The following H2AZ2 variants were observed in gnomAD, a reference collection of about 807,000 sequenced individuals.
H2AZ2 encodes H2A.Z variant histone 2.
A neutral mutation model predicts 15.5 loss-of-function variants in H2AZ2; 5 were observed. The observed-to-expected ratio is 0.32, with a 90% CI of 0.17 to 0.68. H2AZ2 has a LOEUF of 0.68. Among genes scored for constraint, H2AZ2 ranks in the 30% least tolerant of loss-of-function variants. H2AZ2 has a pLI of 0.72. For synonymous variants in H2AZ2, 44 were observed against 57.4 expected (o/e 0.77, Z 1.05); for missense variants, 42 against 162.5 (o/e 0.26, Z 4.03).
rs1033285460 is a variant in H2AZ2 at position 44,833,006 on chromosome 7, T to G, written c.*1495A>C. Among the ~76,000 whole-genome samples the G allele has an allele frequency of 6.6e-6, 1 of 152,022 alleles. No individual in the cohort carries two copies. ...TAAATAAATATAATTTTTAAAAGAT[T>G]GTACAAATTACTGTTATTGCATGAC... On this transcript the variant is annotated 3_prime_UTR_variant, in exon 5 of 5. Transcript: ENST00000308153.
downstream of H2AZ2, chr7:44,829,966 G>A: frequency 3.6e-6 from 2 of 551,048 alleles, no homozygotes; most frequent in Non-Finnish European, 6.5e-6. Context: ...AATCAAAGCT[G>A]CTCTGAAGCA....
chr7:44,834,039 G>A lies in H2AZ2; in HGVS notation c.*462C>T, dbSNP rs1793057544. The A allele has an allele frequency of 8.1e-6, 4 of 495,402 alleles. No individual in the cohort carries two copies. The highest frequency in any genetic ancestry group is 1.0e-5 in the Non-Finnish European group (4 of 382,940). The allele number at this position is 495,402 out of a possible 1,614,324, so 30.7% of individuals were successfully genotyped here. ...TAATTGGCAGGTTTTTTCCTTAGTCGTTTGTAAAAAATGGTGCTACAGATC... is the reference window on the plus strand; with the variant it reads ...TAATTGGCAGGTTTTTTCCTTAGTCATTTGTAAAAAATGGTGCTACAGATC... On this transcript the variant is annotated 3_prime_UTR_variant, in exon 5 of 5. Coordinates refer to ENST00000308153, the MANE Select transcript of H2AZ2 (RefSeq NM_012412.5).
At position 44,833,535 on chromosome 7, in the gene H2AZ2, G is replaced by T; in HGVS notation, c.*966C>A. On this transcript the variant is annotated 3_prime_UTR_variant, in exon 5 of 5. Coordinates refer to ENST00000308153, the MANE Select transcript of H2AZ2 (RefSeq NM_012412.5). ...CAGGCGTGAGCCACCGCGCCTGGCC[G>T]AGACGGCGTTTTACCATGTTGGCCA... is the stretch of plus-strand genomic sequence containing the variant. 8.0e-6 allele frequency: 2 copies of T among 251,324 alleles called. No homozygotes were observed. Among genetic ancestry groups the T allele is most frequent in the African/African-American group, 2.3e-5 (1 of 43,274 alleles). 15.6% of individuals were successfully genotyped at this position (251,324 alleles called of 1,614,324 possible).
At chr7:44,830,048 A>T, downstream of H2AZ2, 1 of 1,150,772 alleles carries the variant, frequency 8.7e-7, no homozygotes, top group South Asian at 1.3e-5. Context: ...ACATTCGGGC[A>T]GTTCCTTGGT....
At chr7:44,830,549 T>A (rs1233837555), downstream of H2AZ2, among the ~76,000 whole-genome samples, 1 of 152,220 alleles carries the variant, frequency 6.6e-6, no homozygotes, top group Non-Finnish European at 1.5e-5. Flanking sequence ...CAGTTCAGGT[T>A]CTAACACCTT....
At chr7:44,836,988 T>G (rs1793139763) in intron 3 of H2AZ2, among the ~76,000 whole-genome samples, 1 of 150,558 alleles carries the variant, frequency 6.6e-6, no homozygotes, top group African/African-American at 2.4e-5. Context: ...AGAGCGAGAC[T>G]CTGTCTCGAA....
chr7:44,831,335 G>A (rs917588476), downstream of H2AZ2, among the ~76,000 whole-genome samples: 2 of 152,108 alleles, frequency 1.3e-5, no homozygotes, highest in Non-Finnish European at 2.9e-5. Flanking sequence ...CAGAGTACAT[G>A]ACCTAGTTGT....
chr7:44,830,050 T>A (rs2117017625), downstream of H2AZ2: 1 of 1,215,262 alleles, frequency 8.2e-7, no homozygotes, highest in South Asian at 1.3e-5. Context: ...ATTCGGGCAG[T>A]TCCTTGGTTC....
chr7:44,831,305 A>AT (rs1347493630), downstream of H2AZ2, among the ~76,000 whole-genome samples: 1 of 152,250 alleles, frequency 6.6e-6, no homozygotes, highest in Non-Finnish European at 1.5e-5. Context: ...GAGACTGATC[A>AT]TAACTGTGAG....
chr7:44,844,431 G>A (rs184893603), intron 1 of H2AZ2, among the ~76,000 whole-genome samples: 1 of 152,168 alleles, frequency 6.6e-6, no homozygotes, highest in Non-Finnish European at 1.5e-5. Context: ...GTGGTTGCCA[G>A]GGGTAGCTGC....
At position 44,846,062 on chromosome 7, in the gene H2AZ2, C is replaced by CAGAG. The variant is rs1554336348; in HGVS notation, c.3+1903_3+1906dup. 9.3e-5 allele frequency among the ~76,000 whole-genome samples: 7 copies of CAGAG among 75,058 alleles called. 1 individual carries two copies. Among genetic ancestry groups the CAGAG allele is most frequent in the African/African-American group, 2.1e-4 (5 of 24,190 alleles). The allele number at this position is 75,058 out of a possible 152,430, so 49.2% of individuals were successfully genotyped here. A position where few individuals can be genotyped will look rare whatever the true frequency, so the allele number is the denominator to read the frequency against. On this transcript the variant is annotated intron_variant, in intron 1 of 4. Transcript: ENST00000308153. ...ACACACACACACACACACACACACA[C>CAGAG]AGAGAGAGACAGAGAGAGAGAGAGA...
chr7:44,836,664 C>T (rs980343302), intron 3 of H2AZ2, among the ~76,000 whole-genome samples: 1 of 151,926 alleles, frequency 6.6e-6, no homozygotes, highest in East Asian at 1.9e-4. Context: ...ACTACAGGCG[C>T]CTGCCACCAT....
rs760844599 is a variant in H2AZ2, at chr7:44,847,975, C to A, written c.-4G>T. On this transcript the variant is annotated 5_prime_UTR_variant, in exon 1 of 5. Coordinates refer to ENST00000308153, the MANE Select transcript of H2AZ2 (RefSeq NM_012412.5). Reference sequence around the variant, plus strand: ...CCCACCCGGCCGCCCTTACCATGTTCTCGGCGCCGACTCCGCCTCCGCTCG... The same window carrying A: ...CCCACCCGGCCGCCCTTACCATGTTATCGGCGCCGACTCCGCCTCCGCTCG... 1 of 1,458,464 alleles carries A rather than the reference C, an allele frequency of 6.9e-7. No individual in the cohort carries two copies. Among genetic ancestry groups the A allele is most frequent in the South Asian group, 1.4e-5 (1 of 73,222 alleles). 90.3% of individuals were successfully genotyped at this position (1,458,464 alleles called of 1,614,324 possible).
chr7:44,833,833 A>T lies in H2AZ2; in HGVS notation c.*668T>A. ...TCTGTGACCCTTAGGCTCCACATCT[A>T]TAATGTGGCAGCAACAACTTTCTTG... is the stretch of plus-strand genomic sequence containing the variant. On this transcript the variant is annotated 3_prime_UTR_variant, in exon 5 of 5. Transcript: ENST00000308153. 1 of 361,956 alleles carries T rather than the reference A, an allele frequency of 2.8e-6. No homozygotes were observed. Among genetic ancestry groups the T allele is most frequent in the Non-Finnish European group, 3.8e-6 (1 of 260,364 alleles). 22.4% of individuals were successfully genotyped at this position (361,956 alleles called of 1,614,324 possible). A position where few individuals can be genotyped will look rare whatever the true frequency, so the allele number is the denominator to read the frequency against.
exon 5 of H2AZ2, chr7:44,826,953 C>CAATAGCA (rs1303191830): frequency 1.3e-5 from 2 of 152,284 alleles, no homozygotes; most frequent in East Asian, 3.9e-4. Flanking sequence ...TATTAGTATG[C>CAATAGCA]TATTCTTTGA....
chr7:44,830,127 C>T, downstream of H2AZ2: 1 of 1,613,494 alleles, frequency 6.2e-7, no homozygotes, highest in African/African-American at 1.3e-5. Context: ...TCACCTAATA[C>T]AATGGCATCT....
chr7:44,844,088 T>G (rs1013412276), intron 1 of H2AZ2, among the ~76,000 whole-genome samples: 7 of 148,994 alleles, frequency 4.7e-5, no homozygotes, highest in African/African-American at 1.7e-4. Context: ...AATTGTCATA[T>G]AGTCTAGCAA....
chr7:44,830,009 T>TA (rs1394958206), downstream of H2AZ2: 2 of 690,180 alleles, frequency 2.9e-6, no homozygotes, highest in African/African-American at 3.6e-5. Flanking sequence ...TGAATTCACG[T>TA]ATCTGAGAAG....
chr7:44,834,600 A>C (rs777253705), intron 4 of H2AZ2, 38 bp from the exon 5 acceptor site: 2 of 1,552,480 alleles, frequency 1.3e-6, no homozygotes, highest in East Asian at 2.3e-5. Flanking sequence ...AAAACTTTTA[A>C]AGTTTTTGCC....
Sources: allele counts gnomAD v4.1 joint callset (sites outside exome capture counted in the v4.1 genomes callset), GRCh38; gene constraint gnomAD v4.1.1; transcripts MANE v1.5; gene names NCBI Gene and HGNC (gene_info 2026-07-23, HGNC 2026-07-21).